The following SPOCK3 variants were observed in gnomAD, a reference collection of about 807,000 sequenced individuals.
SPOCK3 encodes SPARC (osteonectin), cwcv and kazal like domains proteoglycan 3.
In SPOCK3, 30 loss-of-function variants were observed where a neutral mutation model predicts 56.6. That is an observed-to-expected ratio of 0.53 (90% CI 0.40 to 0.72). The LOEUF is 0.72. Ranked by LOEUF, SPOCK3 falls within the 30% of genes least tolerant of loss-of-function variation. The probability of loss-of-function intolerance (pLI) is 0.00; values close to 1 mark genes in which losing one functional copy is unlikely to be tolerated. For missense variants in SPOCK3, 527 were observed against 530.0 expected (o/e 0.99, Z 0.06); for synonymous variants, 196 against 183.3 (o/e 1.07, Z -0.56).
rs115469267 is a variant in SPOCK3, at chr4:167,231,759, C to G, written c.189+2226G>C. 9.2e-3 allele frequency among the ~76,000 whole-genome samples: 1,393 copies of G among 152,156 alleles called. 16 individuals carry two copies. The highest frequency in any genetic ancestry group is 0.013 in the Non-Finnish European group (869 of 67,942). On this transcript the variant is annotated intron_variant, in intron 2 of 10. Transcript: ENST00000357545. ...TTCTGAATTATTATTTGAGAAACCA[C>G]ACTGTCAGCATACCTTTCATCATGT...
intron 6 of SPOCK3, among the ~76,000 whole-genome samples, chr4:166,837,819 T>C (rs1180607701): frequency 6.6e-6 from 1 of 152,156 alleles, no homozygotes; most frequent in South Asian, 2.1e-4. Flanking sequence ...TCTTTCTTTT[T>C]TCCAGACTTT....
intron 2 of SPOCK3, among the ~76,000 whole-genome samples, chr4:167,093,304 C>CT (rs1378763458): frequency 3.3e-5 from 5 of 151,998 alleles, no homozygotes; most frequent in East Asian, 1.9e-4. Context: ...TTTTATGAGT[C>CT]TTTTTTTATT....
chr4:166,797,788 A>G lies in SPOCK3; in HGVS notation c.590-5499T>C, dbSNP rs889251248. On this transcript the variant is annotated intron_variant, in intron 6 of 10. Transcript: ENST00000357545. ...AATAAGTAGCTACTATAAAATATTT[A>G]TTGTGTATATCTGCTATGCATATTT... 4.6e-5 allele frequency among the ~76,000 whole-genome samples: 7 copies of G among 152,298 alleles called. No homozygotes were observed. In the South Asian group the frequency reaches 8.3e-4, roughly 18 times the overall value.
At chr4:167,023,728 C>A (rs745312624) in intron 3 of SPOCK3, among the ~76,000 whole-genome samples, 2 of 151,904 alleles carry the variant, frequency 1.3e-5, no homozygotes, top group African/African-American at 2.4e-5. Flanking sequence ...TCCCTTACAG[C>A]GATATGGTGA....
chr4:166,882,371 T>G (rs533587342), intron 6 of SPOCK3, among the ~76,000 whole-genome samples: 13 of 152,218 alleles, frequency 8.5e-5, no homozygotes, highest in African/African-American at 1.4e-4. Flanking sequence ...TCTGATTTCA[T>G]CTTCTGGCCA....
chr4:166,737,641 T>C (rs1363151470), intron 9 of SPOCK3, 37 bp from the exon 10 acceptor site: 4 of 1,576,456 alleles, frequency 2.5e-6, no homozygotes, highest in African/African-American at 1.4e-5. Flanking sequence ...AACACACACA[T>C]GTAGTTTATG....
intron 2 of SPOCK3, among the ~76,000 whole-genome samples, chr4:167,097,280 T>C (rs1759243379): frequency 6.6e-6 from 1 of 151,914 alleles, no homozygotes; most frequent in Non-Finnish European, 1.5e-5. Flanking sequence ...TCAGTTTTAT[T>C]TGAGAACTTA....
chr4:166,792,292 A>G lies in SPOCK3; in HGVS notation c.590-3T>C, dbSNP rs1459419265. 2 of 1,613,466 alleles carry G rather than the reference A, an allele frequency of 1.2e-6. No homozygotes were observed. Among genetic ancestry groups the G allele is most frequent in the South Asian group, 2.2e-5 (2 of 91,060 alleles). ...CCTGAACTCCAGGTCACTGCATGCT[A>G]AAAACAGAGAAACAACACAAGTCTT... is the stretch of plus-strand genomic sequence containing the variant. On this transcript the variant is annotated splice_polypyrimidine_tract_variant and splice_region_variant and intron_variant, in intron 6 of 10. Transcript: ENST00000357545.
At chr4:167,132,152 G>C (rs982995776) in intron 2 of SPOCK3, among the ~76,000 whole-genome samples, 37 of 152,128 alleles carry the variant, frequency 2.4e-4, no homozygotes, top group African/African-American at 8.7e-4. Flanking sequence ...TAGGATAAAT[G>C]ATGTCATATC....
chr4:166,910,992 A>G (rs949934264), intron 5 of SPOCK3, among the ~76,000 whole-genome samples: 1 of 152,178 alleles, frequency 6.6e-6, no homozygotes, highest in South Asian at 2.1e-4. Context: ...TGATTTATAC[A>G]TCATTTCCAT....
intron 2 of SPOCK3, among the ~76,000 whole-genome samples, chr4:167,110,357 C>T (rs1475440759): frequency 6.6e-6 from 1 of 151,980 alleles, no homozygotes; most frequent in African/African-American, 2.4e-5. Flanking sequence ...AAACTCTCAC[C>T]ACCATATGTA....
At chr4:167,060,958 C>T (rs1755542101) in intron 3 of SPOCK3, among the ~76,000 whole-genome samples, 1 of 151,966 alleles carries the variant, frequency 6.6e-6, no homozygotes, top group Admixed American at 6.6e-5. Context: ...ATAGGACATT[C>T]TTCATAAACA....
intron 6 of SPOCK3, among the ~76,000 whole-genome samples, chr4:166,858,001 G>A (rs1730867293): frequency 1.3e-5 from 2 of 152,104 alleles, no homozygotes; most frequent in Admixed American, 6.5e-5. Context: ...CCAACATTTT[G>A]AATTCTAACA....
intron 3 of SPOCK3, among the ~76,000 whole-genome samples, chr4:167,014,956 C>G (rs1750469639): frequency 6.6e-6 from 1 of 151,634 alleles, no homozygotes; most frequent in African/African-American, 2.4e-5. Flanking sequence ...ACTCTTTTTT[C>G]TAAAATATTA....
At chr4:167,067,404 G>A (rs1355274591) in intron 2 of SPOCK3, among the ~76,000 whole-genome samples, 1 of 151,662 alleles carries the variant, frequency 6.6e-6, no homozygotes, top group African/African-American at 2.4e-5. Context: ...AGACACAGAG[G>A]ATAATGCTTT....
At chr4:167,031,523 G>A (rs1434990429) in intron 3 of SPOCK3, among the ~76,000 whole-genome samples, 1 of 151,902 alleles carries the variant, frequency 6.6e-6, no homozygotes, top group Non-Finnish European at 1.5e-5. Context: ...ACAAGAAAAA[G>A]GCACACTGTT....
At chr4:166,906,126 A>G (rs1736581135) in intron 5 of SPOCK3, among the ~76,000 whole-genome samples, 1 of 152,078 alleles carries the variant, frequency 6.6e-6, no homozygotes, top group South Asian at 2.1e-4. Context: ...AAGGTATAAC[A>G]AAGTTAGACT....
chr4:167,233,973 C>T lies in SPOCK3; in HGVS notation c.189+12G>A, dbSNP rs1225918611. The T allele has an allele frequency of 1.9e-6, 3 of 1,608,710 alleles. No homozygotes were observed. The highest frequency in any genetic ancestry group is 2.6e-6 in the Non-Finnish European group (3 of 1,175,518). On this transcript the variant is annotated intron_variant, in intron 2 of 10. Transcript: ENST00000357545. ...GCGCGTGTGCCCGGGGATGTGGGTG[C>T]GCGGAACTTACGTCTCGGAATTTGT...
intron 8 of SPOCK3, among the ~76,000 whole-genome samples, chr4:166,742,644 T>C (rs1003715247): frequency 3.9e-5 from 6 of 152,142 alleles, no homozygotes; most frequent in Non-Finnish European, 8.8e-5. Context: ...GAGATATTAG[T>C]CTTTTTAGTT....
Sources: gnomAD v4.1 joint callset for allele counts (sites outside exome capture counted in the v4.1 genomes callset) on GRCh38, gnomAD v4.1.1 for gene constraint, MANE v1.5 for transcripts, NCBI Gene and HGNC (gene_info 2026-07-23, HGNC 2026-07-21) for gene names.